The following CADPS variants were observed in gnomAD, a reference collection of about 807,000 sequenced individuals.
The protein encoded by CADPS is calcium dependent secretion activator, also known as calcium-dependent secretion activator 1.
CADPS carries 57 observed loss-of-function variants against 167.3 expected under a neutral mutation model. That is an observed-to-expected ratio of 0.34 (90% confidence interval 0.28 to 0.42). The LOEUF is 0.42. Ranked by LOEUF, CADPS falls within the 20% of genes least tolerant of loss-of-function variation. CADPS has a pLI of 1.00. For synonymous variants in CADPS, 676 were observed against 635.3 expected, an observed-to-expected ratio of 1.06 and a Z score of -0.96; for missense variants, 1,414 against 1,738.1, an observed-to-expected ratio of 0.81 and a Z score of 3.32.
chr3:62,826,777 G>A (rs756194095), intron 1 of CADPS, among the ~76,000 whole-genome samples: 5 of 152,070 alleles, frequency 3.3e-5, no homozygotes, highest in Non-Finnish European at 7.4e-5. Context: ...TAGTGGGCAG[G>A]TCTAGCACCC....
chr3:62,621,868 G>C (rs981395749), intron 6 of CADPS, among the ~76,000 whole-genome samples: 2 of 149,432 alleles, frequency 1.3e-5, no homozygotes, highest in Non-Finnish European at 3.0e-5. Flanking sequence ...GTGTTAGTTT[G>C]CTGAAGATAA....
At chr3:62,407,464 T>C (rs1708942670) in intron 28 of CADPS, among the ~76,000 whole-genome samples, 1 of 152,146 alleles carries the variant, frequency 6.6e-6, no homozygotes, top group Non-Finnish European at 1.5e-5. Flanking sequence ...ACAGAATGAG[T>C]GATTTCTCAA....
At chr3:62,731,805 C>CAAAAAAAAAAAAAAAAAAAAAA (rs1212456893) in intron 3 of CADPS, among the ~76,000 whole-genome samples, 26 of 27,130 alleles carry the variant, frequency 9.6e-4, no homozygotes, top group Admixed American at 1.6e-3. Flanking sequence ...TGATCATATG[C>CAAAAAAAAAAAAAAAAAAAAAA]AAAAAAAAAA....
At chr3:62,648,293 C>T (rs1261368445) in intron 5 of CADPS, among the ~76,000 whole-genome samples, 1 of 152,128 alleles carries the variant, frequency 6.6e-6, no homozygotes, top group Non-Finnish European at 1.5e-5. Flanking sequence ...CAAGTCAAAC[C>T]ATCTGAATCA....
intron 1 of CADPS, among the ~76,000 whole-genome samples, chr3:62,804,967 C>T (rs1348606881): frequency 6.6e-6 from 1 of 151,954 alleles, no homozygotes; most frequent in Non-Finnish European, 1.5e-5. Flanking sequence ...AATATAGAGG[C>T]CCAAGGATGG....
chr3:62,646,842 A>T (rs2068707375), intron 5 of CADPS, among the ~76,000 whole-genome samples: 1 of 152,212 alleles, frequency 6.6e-6, no homozygotes, highest in Non-Finnish European at 1.5e-5. Flanking sequence ...GGGAGAAATA[A>T]AATACACAAA....
intron 11 of CADPS, among the ~76,000 whole-genome samples, chr3:62,547,586 G>GC (rs386396848): frequency 0.065 from 2,050 of 31,316 alleles, 109 homozygotes; most frequent in Non-Finnish European, 0.083. Flanking sequence ...TATCATTTAC[G>GC]CCCCCCCCCC....
At chr3:62,411,457 C>G (rs2048943237) in intron 28 of CADPS, among the ~76,000 whole-genome samples, 1 of 152,134 alleles carries the variant, frequency 6.6e-6, no homozygotes. Context: ...GGAAAAAACC[C>G]CTACAACCTA....
chr3:62,517,821 G>A (rs2069378426), intron 14 of CADPS, among the ~76,000 whole-genome samples: 1 of 152,112 alleles, frequency 6.6e-6, no homozygotes, highest in African/African-American at 2.4e-5. Context: ...TGTTCACCAT[G>A]TTCTGATTCA....
rs116393641 is a variant in CADPS, at chr3:62,700,517, G to A, written c.889-38123C>T. Reference sequence around the variant, plus strand: ...GTCTTAACAAAATCCCTAATAGTGAGTCATCCTACTAGAGATGATATGTAC... The same window carrying A: ...GTCTTAACAAAATCCCTAATAGTGAATCATCCTACTAGAGATGATATGTAC... On this transcript the variant is annotated intron_variant, in intron 3 of 29. Transcript: ENST00000383710. 3.2e-3 allele frequency among the ~76,000 whole-genome samples: 484 copies of A among 152,208 alleles called. 5 individuals carry two copies. The highest frequency in any genetic ancestry group is 0.011 in the African/African-American group (453 of 41,496).
At chr3:62,639,205 T>C (rs1350503022) in intron 6 of CADPS, among the ~76,000 whole-genome samples, 1 of 152,200 alleles carries the variant, frequency 6.6e-6, no homozygotes, top group Non-Finnish European at 1.5e-5. Context: ...CCTAGCAAAA[T>C]TTAATTTCTG....
intron 3 of CADPS, among the ~76,000 whole-genome samples, chr3:62,683,438 GTTC>G (rs1296831597): frequency 1.3e-5 from 2 of 151,982 alleles, no homozygotes; most frequent in African/African-American, 4.8e-5. Context: ...TGTAAGAAAG[GTTC>G]TTTTTTGTAT....
chr3:62,812,606 T>A (rs748626733), intron 1 of CADPS, among the ~76,000 whole-genome samples: 1 of 152,198 alleles, frequency 6.6e-6, no homozygotes, highest in Non-Finnish European at 1.5e-5. Flanking sequence ...ATGTGCTGCT[T>A]CAGGCAACAT....
At chr3:62,860,244 T>C (rs1462523682) in intron 1 of CADPS, among the ~76,000 whole-genome samples, 1 of 152,196 alleles carries the variant, frequency 6.6e-6, no homozygotes, top group Non-Finnish European at 1.5e-5. Context: ...CTGTAAGCCT[T>C]TGGTAAACAG....
At chr3:62,475,584 GAAAAAAAAAAAAAAAA>G (rs34263556) in intron 23 of CADPS, among the ~76,000 whole-genome samples, 4 of 55,964 alleles carry the variant, frequency 7.1e-5, no homozygotes, top group South Asian at 2.1e-3. Flanking sequence ...CAGTTCTTAA[GAAAAAAAAAAAAAAAA>G]AAAAAAAAAA....
At chr3:62,632,943 T>C (rs2065573097) in intron 6 of CADPS, among the ~76,000 whole-genome samples, 1 of 152,142 alleles carries the variant, frequency 6.6e-6, no homozygotes, top group Non-Finnish European at 1.5e-5. Flanking sequence ...TTCACATCTG[T>C]ACATCCACTA....
At chr3:62,657,001 T>C (rs1005203479) in intron 4 of CADPS, among the ~76,000 whole-genome samples, 1 of 152,124 alleles carries the variant, frequency 6.6e-6, no homozygotes, top group African/African-American at 2.4e-5. Context: ...TGTTTAACTG[T>C]TCAGGCAACA....
intron 6 of CADPS, among the ~76,000 whole-genome samples, chr3:62,615,651 CT>C (rs1211257713): frequency 6.6e-6 from 1 of 152,140 alleles, no homozygotes; most frequent in Non-Finnish European, 1.5e-5. Context: ...CTAACAGTGA[CT>C]GTCTCACAAT....
At chr3:62,684,710 C>T (rs2077689762) in intron 3 of CADPS, among the ~76,000 whole-genome samples, 1 of 151,994 alleles carries the variant, frequency 6.6e-6, no homozygotes, top group Non-Finnish European at 1.5e-5. Context: ...GGGGAAAGCT[C>T]AACCCATCCT....
Sources: gnomAD v4.1 joint callset for allele counts (sites outside exome capture counted in the v4.1 genomes callset) on GRCh38, gnomAD v4.1.1 for gene constraint, MANE v1.5 for transcripts, NCBI Gene and HGNC (gene_info 2026-07-23, HGNC 2026-07-21) for gene names.